The following G3BP2 variants were observed in gnomAD, a reference collection of about 807,000 sequenced individuals.
G3BP2 encodes the protein G3BP stress granule assembly factor 2.
G3BP2 carries 11 observed loss-of-function variants against 56.7 expected under a neutral mutation model. The ratio of observed to expected loss-of-function variants is 0.19; its 90% CI spans 0.12 to 0.32. The LOEUF (loss-of-function observed/expected upper bound fraction) is 0.32, where lower values mean the gene tolerates loss of function less well. Ranked by LOEUF, G3BP2 falls within the 10% of genes least tolerant of loss-of-function variation. G3BP2 has a pLI of 1.00. For synonymous variants in G3BP2, 165 were observed against 191.6 expected, an observed-to-expected ratio of 0.86 and a Z score of 1.15; for missense variants, 340 against 610.9, an observed-to-expected ratio of 0.56 and a Z score of 4.67.
chr4:75,653,001 A>C (rs1731813357), intron 8 of G3BP2, among the ~76,000 whole-genome samples: 1 of 152,176 alleles, frequency 6.6e-6, no homozygotes, highest in Admixed American at 6.5e-5. Flanking sequence ...TGGGTAGAAA[A>C]GCACAAAACA....
intron 3 of G3BP2, among the ~76,000 whole-genome samples, chr4:75,695,551 G>A (rs1444149219): frequency 6.6e-6 from 1 of 152,168 alleles, no homozygotes; most frequent in Non-Finnish European, 1.5e-5. Context: ...AATCTCCCAA[G>A]AGCTGAAGCC....
chr4:75,694,835 A>G (rs1409818069), intron 3 of G3BP2: 6 of 985,534 alleles, frequency 6.1e-6, no homozygotes, highest in Non-Finnish European at 7.2e-6. Flanking sequence ...ACTAGCAGAC[A>G]GGATGGGCTA....
chr4:75,669,053 A>G (rs896509309), intron 1 of G3BP2, among the ~76,000 whole-genome samples: 7 of 152,162 alleles, frequency 4.6e-5, no homozygotes, highest in Non-Finnish European at 8.8e-5. Context: ...TGCATTATCA[A>G]TGTTGACTAC....
intron 1 of G3BP2, among the ~76,000 whole-genome samples, chr4:75,664,441 T>TAC: frequency 1.3e-5 from 2 of 150,582 alleles, no homozygotes; most frequent in South Asian, 4.2e-4. Flanking sequence ...CCAGGCGTGG[T>TAC]GGCTGGCGCC....
At chr4:75,646,978 T>C (rs778615890) in intron 10 of G3BP2, 51 bp downstream of exon 10, 5 of 1,224,228 alleles carry the variant, frequency 4.1e-6, no homozygotes, top group South Asian at 1.4e-5. Flanking sequence ...ATATGCCTCT[T>C]GCTTAATTTA....
intron 3 of G3BP2, among the ~76,000 whole-genome samples, chr4:75,695,974 CAAAAAAAAAAAA>C (rs397807027): frequency 3.3e-4 from 4 of 11,978 alleles, no homozygotes; most frequent in African/African-American, 1.2e-3. Context: ...AACTCTGTCT[CAAAAAAAAAAAA>C]AAAAAAAAAA....
intron 3 of G3BP2, among the ~76,000 whole-genome samples, chr4:75,687,698 C>T (rs979213493): frequency 6.6e-6 from 1 of 152,170 alleles, no homozygotes; most frequent in African/African-American, 2.4e-5. Flanking sequence ...AGGCTAAACA[C>T]TCCTAAAAGC....
intron 3 of G3BP2, among the ~76,000 whole-genome samples, chr4:75,710,284 C>T (rs1265936623): frequency 2.0e-5 from 3 of 151,978 alleles, no homozygotes; most frequent in Admixed American, 6.6e-5. Context: ...TGGTGGATGA[C>T]GACATGAGAA....
chr4:75,676,274 C>T (rs539166901), upstream of G3BP2, among the ~76,000 whole-genome samples: 136 of 151,616 alleles, frequency 9.0e-4, no homozygotes, highest in African/African-American at 3.1e-3. Flanking sequence ...GGTATTCATT[C>T]GGTGGCTCAG....
intron 3 of G3BP2, among the ~76,000 whole-genome samples, chr4:75,716,064 G>A (rs747173604): frequency 2.6e-5 from 4 of 152,122 alleles, no homozygotes; most frequent in Non-Finnish European, 5.9e-5. Flanking sequence ...CTAGGGTCTA[G>A]GTCACTTTGG....
At chr4:75,711,135 C>T (rs1719739521) in intron 3 of G3BP2, among the ~76,000 whole-genome samples, 1 of 151,768 alleles carries the variant, frequency 6.6e-6, no homozygotes, top group African/African-American at 2.4e-5. Context: ...GCCTGGCCAA[C>T]ATGGTGAAAC....
intron 3 of G3BP2, among the ~76,000 whole-genome samples, chr4:75,687,868 G>C (rs1005269626): frequency 6.6e-6 from 1 of 152,192 alleles, no homozygotes; most frequent in African/African-American, 2.4e-5. Context: ...GGCCATACAA[G>C]GGTTTGAGGC....
At chr4:75,682,856 T>A (rs1017023673) in intron 3 of G3BP2, among the ~76,000 whole-genome samples, 1 of 152,012 alleles carries the variant, frequency 6.6e-6, no homozygotes, top group African/African-American at 2.4e-5. Context: ...GGGTGACGTG[T>A]GCCTGTAATC....
intron 11 of G3BP2, 117 bp from the exon 12 acceptor site, chr4:75,645,819 A>AC (rs1192166773): frequency 7.1e-6 from 6 of 843,248 alleles, no homozygotes; most frequent in Non-Finnish European, 7.3e-6. Context: ...TCAGCCCCCC[A>AC]CCCCCCAGAG....
At chr4:75,706,877 T>C (rs1216259369) in intron 3 of G3BP2, among the ~76,000 whole-genome samples, 2 of 152,032 alleles carry the variant, frequency 1.3e-5, no homozygotes, top group South Asian at 2.1e-4. Flanking sequence ...CAAGGGGAAC[T>C]GCTAACAACC....
intron 3 of G3BP2, among the ~76,000 whole-genome samples, chr4:75,692,038 C>T (rs1321207892): frequency 6.6e-6 from 1 of 152,184 alleles, no homozygotes; most frequent in Non-Finnish European, 1.5e-5. Context: ...GACTTTGAGA[C>T]ATACCTAGGG....
At chr4:75,697,178 G>T (rs1194862730) in intron 3 of G3BP2, among the ~76,000 whole-genome samples, 1 of 150,062 alleles carries the variant, frequency 6.7e-6, no homozygotes, top group Non-Finnish European at 1.5e-5. Context: ...GGAGGCTGAG[G>T]CAGGAGAATG....
chr4:75,681,490 A>G (rs1358548705), intron 3 of G3BP2, among the ~76,000 whole-genome samples: 4 of 152,164 alleles, frequency 2.6e-5, no homozygotes, highest in Non-Finnish European at 5.9e-5. Context: ...CTACACATAC[A>G]TACCTACGAT....
At chr4:75,646,580 T>C (rs1310705423) in intron 10 of G3BP2, 124 bp from the exon 11 acceptor site, 3 of 697,270 alleles carry the variant, frequency 4.3e-6, no homozygotes, top group Admixed American at 2.4e-5. Context: ...CGCAAGCTTC[T>C]ACACACAGTG....
Sources: gnomAD v4.1 joint callset for allele counts (sites outside exome capture counted in the v4.1 genomes callset) on GRCh38, gnomAD v4.1.1 for gene constraint, MANE v1.5 for transcripts, NCBI Gene and HGNC (gene_info 2026-07-23, HGNC 2026-07-21) for gene names.